Variants in CAST observed in about 807,000 individuals in gnomAD.
CAST encodes MIR583 host.
A neutral mutation model predicts 119.6 loss-of-function variants in CAST; 76 were observed. The observed-to-expected ratio is 0.64, with a 90% CI of 0.53 to 0.77. The LOEUF (loss-of-function observed/expected upper bound fraction) is 0.77. Ranked by LOEUF, CAST falls within the 30% of genes least tolerant of loss-of-function variation. CAST has a pLI of 0.00. For missense variants in CAST, 953 were observed against 946.5 expected, an observed-to-expected ratio of 1.01 and a Z score of -0.09; for synonymous variants, 319 against 331.6, an observed-to-expected ratio of 0.96 and a Z score of 0.41.
the CAST span, among the ~76,000 whole-genome samples, chr5:96,429,530 T>G: frequency 6.6e-6 from 1 of 152,188 alleles, no homozygotes; most frequent in African/African-American, 2.4e-5. Flanking sequence ...GGGGTATTTT[T>G]GTACAGATTA....
Position 96,635,124 on chromosome 5 carries a change from C to T in CAST, c.61-40415C>T, listed in dbSNP as rs142801790. Among the ~76,000 whole-genome samples, 670 of 152,234 alleles carry T rather than the reference C, an allele frequency of 4.4e-3. 2 individuals carry two copies. Among genetic ancestry groups the T allele is most frequent in the Middle Eastern group, 0.014 (4 of 294 alleles). ...GGATTTCCTAAGAGAAAGAGCATCCCAGGCAAGGGAGAGCAATGTGAGCAG... is the reference window on the plus strand; with the variant it reads ...GGATTTCCTAAGAGAAAGAGCATCCTAGGCAAGGGAGAGCAATGTGAGCAG... On this transcript the variant is annotated intron_variant, in intron 1 of 11. Coordinates refer to the CAST transcript ENST00000505143.
At chr5:96,539,885 A>G (rs7734121) in intron 1 of CAST, among the ~76,000 whole-genome samples, 92,561 of 151,638 alleles carry the variant, frequency 0.61, 28,586 homozygotes, top group East Asian at 0.86. Context: ...CTTGTTTTCT[A>G]TTTGGGCAAT....
At chr5:96,244,904 A>G in the CAST span, among the ~76,000 whole-genome samples, 1 of 152,190 alleles carries the variant, frequency 6.6e-6, no homozygotes. Flanking sequence ...CTTAGGGGAT[A>G]TGTTTTAGAG....
the CAST span, among the ~76,000 whole-genome samples, chr5:96,084,642 A>G: frequency 7.2e-3 from 1,092 of 152,330 alleles, 12 homozygotes; most frequent in African/African-American, 0.024. Context: ...AGGCAAGGAA[A>G]GAGACTTAGA....
chr5:96,544,403 C>T (rs1561411921), intron 1 of CAST, among the ~76,000 whole-genome samples: 1 of 152,016 alleles, frequency 6.6e-6, no homozygotes, highest in Non-Finnish European at 1.5e-5. Context: ...ACCTCGATTC[C>T]AGCCACATTG....
At chr5:96,615,512 G>C (rs1222900659) in intron 1 of CAST, among the ~76,000 whole-genome samples, 2 of 152,202 alleles carry the variant, frequency 1.3e-5, no homozygotes, top group African/African-American at 4.8e-5. Context: ...GCAACAGGGA[G>C]AATGAAACAG....
chr5:96,042,716 G>A, the CAST span, among the ~76,000 whole-genome samples: 6 of 152,048 alleles, frequency 3.9e-5, no homozygotes, highest in Non-Finnish European at 7.4e-5. Context: ...TAATAGGTGT[G>A]GATTAAAATT....
chr5:96,098,923 A>AT, the CAST span, among the ~76,000 whole-genome samples: 531 of 152,244 alleles, frequency 3.5e-3, 2 homozygotes, highest in African/African-American at 4.5e-3. Context: ...CAGTATGGCC[A>AT]TTTTCACGAT....
At chr5:95,994,809 T>A in the CAST span, among the ~76,000 whole-genome samples, 1 of 152,248 alleles carries the variant, frequency 6.6e-6, no homozygotes, top group South Asian at 2.1e-4. Flanking sequence ...GAAAACTGCA[T>A]GTGCTATATA....
chr5:96,142,920 C>A, the CAST span, among the ~76,000 whole-genome samples: 195 of 152,234 alleles, frequency 1.3e-3, no homozygotes, highest in Non-Finnish European at 2.4e-3. Flanking sequence ...GTCAGACATC[C>A]AAAAGGAGGC....
chr5:95,965,014 T>C, the CAST span: 2 of 152,286 alleles, frequency 1.3e-5, no homozygotes, highest in Non-Finnish European at 2.9e-5. Flanking sequence ...GGTTGCTGCA[T>C]ATTTAATGAC....
intron 2 of CAST, among the ~76,000 whole-genome samples, chr5:96,694,491 C>T (rs149240090): frequency 0.028 from 4,220 of 152,118 alleles, 202 homozygotes; most frequent in African/African-American, 0.096. Context: ...ATTAGCTGGG[C>T]GTGGTGGCAT....
At chr5:96,605,097 C>G (rs1039412375) in intron 1 of CAST, among the ~76,000 whole-genome samples, 4 of 152,082 alleles carry the variant, frequency 2.6e-5, no homozygotes, top group Admixed American at 6.5e-5. Flanking sequence ...CCTAGGGGGT[C>G]AAATGTTGAT....
the CAST span, among the ~76,000 whole-genome samples, chr5:96,221,553 G>A: frequency 1.3e-5 from 2 of 151,970 alleles, no homozygotes; most frequent in Non-Finnish European, 2.9e-5. Context: ...CGTAACCAAG[G>A]CAGTCAAAGA....
In CAST at chr5:96,765,327, TAAAAAAAAAA is replaced by T. The variant is rs59338324; in HGVS notation, c.2037+19_2037+28del. On this transcript the variant is annotated splice_donor_5th_base_variant and intron_variant, in intron 26 of 31. Coordinates refer to ENST00000675179, the MANE Select transcript of CAST (RefSeq NM_001750.7). The stretch of plus-strand genomic sequence containing the variant: ...AAACCAATGGAAGATAAAGTAAAGG[TAAAAAAAAAA>T]AAAAAAAAAAAAAAAATTCACTAAT... The T allele has an allele frequency of 3.3e-5, 17 of 511,352 alleles. No homozygotes were observed. The highest frequency in any genetic ancestry group is 1.9e-4 in the East Asian group (5 of 26,588). The allele number at this position is 511,352 out of a possible 1,614,324, so 31.7% of individuals were successfully genotyped here.
the CAST span, among the ~76,000 whole-genome samples, chr5:96,204,720 A>G: frequency 6.6e-6 from 1 of 151,954 alleles, no homozygotes; most frequent in African/African-American, 2.4e-5. Flanking sequence ...TTCTCCAGTG[A>G]AAGTCCCCCT....
the CAST span, among the ~76,000 whole-genome samples, chr5:96,287,852 GA>G: frequency 1.3e-5 from 2 of 151,408 alleles, no homozygotes; most frequent in East Asian, 1.9e-4. Context: ...CTCAAAAAAA[GA>G]AAAAAAAGAA....
At chr5:96,686,748 TTTAC>T (rs1476948527) in intron 2 of CAST, among the ~76,000 whole-genome samples, 3 of 152,216 alleles carry the variant, frequency 2.0e-5, no homozygotes, top group Non-Finnish European at 2.9e-5. Flanking sequence ...GAAGTCAGTG[TTTAC>T]TTACACAAAA....
At chr5:96,656,932 C>T (rs1019385296) in intron 1 of CAST, among the ~76,000 whole-genome samples, 7 of 128,866 alleles carry the variant, frequency 5.4e-5, no homozygotes, top group African/African-American at 2.6e-4. Context: ...CAAAGAGACA[C>T]TTTTTCTTAA....
Sources: allele counts gnomAD v4.1 joint callset (sites outside exome capture counted in the v4.1 genomes callset), GRCh38; gene constraint gnomAD v4.1.1; transcripts MANE v1.5; gene names NCBI Gene and HGNC (gene_info 2026-07-23, HGNC 2026-07-21).